Variants in PTPRD observed in about 807,000 individuals in gnomAD.
PTPRD encodes the protein protein tyrosine phosphatase receptor type D.
Under a neutral mutation model 214.5 loss-of-function variants are expected in PTPRD, and 34 were observed. The ratio of observed to expected loss-of-function variants is 0.16; its 90% confidence interval spans 0.12 to 0.21. PTPRD has a LOEUF of 0.21. Ranked by LOEUF, PTPRD falls within the 10% of genes least tolerant of loss-of-function variation. PTPRD has a pLI of 1.00. For synonymous variants in PTPRD, 1,128 were observed against 845.7 expected (o/e 1.33, Z -5.79); for missense variants, 2,545 against 2,398.7 (o/e 1.06, Z -1.27).
intron 2 of PTPRD, among the ~76,000 whole-genome samples, chr9:10,346,933 T>A (rs941148678): frequency 2.6e-4 from 40 of 152,212 alleles, no homozygotes; most frequent in African/African-American, 9.2e-4. Flanking sequence ...CAATAAAGAA[T>A]TATAGTTTTA....
At chr9:9,100,726 A>G (rs1357828076) in intron 10 of PTPRD, among the ~76,000 whole-genome samples, 1 of 152,192 alleles carries the variant, frequency 6.6e-6, no homozygotes, top group African/African-American at 2.4e-5. Context: ...ATTTCTAGGC[A>G]GGTCCATTTC....
At chr9:9,024,331 A>G (rs2099579589) in intron 10 of PTPRD, among the ~76,000 whole-genome samples, 1 of 94,224 alleles carries the variant, frequency 1.1e-5, no homozygotes. Context: ...GCTATTGTCG[A>G]TTCTTTGTTT....
chr9:10,346,042 G>T, intron 2 of PTPRD, among the ~76,000 whole-genome samples: 1 of 151,954 alleles, frequency 6.6e-6, no homozygotes, highest in African/African-American at 2.4e-5. Context: ...TTTCATATAT[G>T]ACAACACAGA....
At chr9:10,213,894 C>A (rs1160604267) in intron 3 of PTPRD, among the ~76,000 whole-genome samples, 1 of 151,972 alleles carries the variant, frequency 6.6e-6, no homozygotes, top group Admixed American at 6.6e-5. Context: ...GCTTCAGAAC[C>A]TGTTTTCATT....
chr9:9,544,023 T>C (rs2078188337), intron 8 of PTPRD, among the ~76,000 whole-genome samples: 2 of 151,626 alleles, frequency 1.3e-5, no homozygotes, highest in South Asian at 4.1e-4. Flanking sequence ...TCATAAAACC[T>C]GACTTAATCT....
chr9:8,975,782 G>C (rs966428342), intron 11 of PTPRD, among the ~76,000 whole-genome samples: 2 of 143,210 alleles, frequency 1.4e-5, no homozygotes, highest in Non-Finnish European at 3.1e-5. Flanking sequence ...ACTATATTGA[G>C]AAACCATATA....
At chr9:9,070,243 C>T (rs925653238) in intron 10 of PTPRD, among the ~76,000 whole-genome samples, 2 of 152,146 alleles carry the variant, frequency 1.3e-5, no homozygotes, top group Admixed American at 6.5e-5. Context: ...TCAAAGACGC[C>T]AACTTGTCAA....
intron 2 of PTPRD, among the ~76,000 whole-genome samples, chr9:10,482,026 G>C (rs1342882877): frequency 6.6e-6 from 1 of 151,962 alleles, no homozygotes; most frequent in African/African-American, 2.4e-5. Context: ...AAAAAAAGAG[G>C]AAAGAAATAT....
chr9:9,491,706 G>A (rs1218023631), intron 8 of PTPRD, among the ~76,000 whole-genome samples: 1 of 151,844 alleles, frequency 6.6e-6, no homozygotes, highest in African/African-American at 2.4e-5. Context: ...AGAAATCAGA[G>A]AGAAAATTTA....
intron 2 of PTPRD, among the ~76,000 whole-genome samples, chr9:10,425,075 C>A (rs1295182587): frequency 6.6e-6 from 1 of 151,750 alleles, no homozygotes; most frequent in Non-Finnish European, 1.5e-5. Flanking sequence ...CCATATATTT[C>A]AGAACAATAT....
chr9:9,769,742 A>G (rs1240584985), intron 5 of PTPRD, among the ~76,000 whole-genome samples: 2 of 151,956 alleles, frequency 1.3e-5, no homozygotes, highest in African/African-American at 4.8e-5. Context: ...TATTTCTCCT[A>G]ATGCTATCCC....
At chr9:8,590,419 A>T (rs1330008735) in intron 14 of PTPRD, among the ~76,000 whole-genome samples, 1 of 152,178 alleles carries the variant, frequency 6.6e-6, no homozygotes. Flanking sequence ...CAGAAGACTT[A>T]TCAGAGGGTG....
At chr9:10,342,340 A>G (rs1284950463) in intron 2 of PTPRD, among the ~76,000 whole-genome samples, 1 of 152,118 alleles carries the variant, frequency 6.6e-6, no homozygotes, top group Non-Finnish European at 1.5e-5. Flanking sequence ...ACATGTTTGT[A>G]AATAAGCACT....
chr9:8,965,271 T>G (rs570880483), intron 11 of PTPRD, among the ~76,000 whole-genome samples: 2 of 151,712 alleles, frequency 1.3e-5, no homozygotes, highest in Admixed American at 1.3e-4. Context: ...TCTCAGCTAC[T>G]AGGGAGGCTG....
intron 10 of PTPRD, among the ~76,000 whole-genome samples, chr9:9,120,023 T>C (rs990238191): frequency 6.6e-5 from 10 of 152,284 alleles, no homozygotes; most frequent in African/African-American, 2.2e-4. Flanking sequence ...GTTGAATGCA[T>C]ACCATTTTCT....
At chr9:10,221,567 T>G (rs998634481) in intron 3 of PTPRD, among the ~76,000 whole-genome samples, 2 of 152,018 alleles carry the variant, frequency 1.3e-5, no homozygotes, top group African/African-American at 2.4e-5. Flanking sequence ...CCTGAGCCAA[T>G]AGGAATGCAT....
At chr9:9,399,167 C>A (rs2069143540) in intron 8 of PTPRD, among the ~76,000 whole-genome samples, 8 of 151,956 alleles carry the variant, frequency 5.3e-5, no homozygotes, top group Admixed American at 5.3e-4. Flanking sequence ...TATTACATAT[C>A]AAGAGAAGGT....
At chr9:9,474,135 G>C (rs1321813187) in intron 8 of PTPRD, among the ~76,000 whole-genome samples, 2 of 152,052 alleles carry the variant, frequency 1.3e-5, no homozygotes, top group African/African-American at 4.8e-5. Flanking sequence ...GATTTTTGTA[G>C]ATGGTGAGAG....
intron 11 of PTPRD, among the ~76,000 whole-genome samples, chr9:8,945,665 T>A (rs1005431471): frequency 6.6e-6 from 1 of 152,104 alleles, no homozygotes; most frequent in Non-Finnish European, 1.5e-5. Context: ...CCTCACTGTC[T>A]TTTTCCTGTT....
Sources: gnomAD v4.1 joint callset for allele counts (sites outside exome capture counted in the v4.1 genomes callset) on GRCh38, gnomAD v4.1.1 for gene constraint, MANE v1.5 for transcripts, NCBI Gene and HGNC (gene_info 2026-07-23, HGNC 2026-07-21) for gene names.